Variants in EPRS1 observed in about 807,000 individuals in gnomAD.
EPRS1 encodes glutamyl-prolyl-tRNA synthetase 1, also known as bifunctional glutamate/proline--tRNA ligase.
Under a neutral mutation model 188.3 loss-of-function variants are expected in EPRS1, and 107 were observed. That is an observed-to-expected ratio of 0.57 (90% confidence interval 0.49 to 0.67). The LOEUF is 0.67. Among genes scored for constraint, EPRS1 ranks in the 30% least tolerant of loss-of-function variants. EPRS1 has a pLI of 0.00. For synonymous variants in EPRS1, 596 were observed against 593.1 expected, an observed-to-expected ratio of 1.00 and a Z score of -0.07; for missense variants, 1,577 against 1,802.2, an observed-to-expected ratio of 0.88 and a Z score of 2.26.
intron 17 of EPRS1, among the ~76,000 whole-genome samples, chr1:219,999,700 G>T (rs1661306340): frequency 6.6e-6 from 1 of 152,194 alleles, no homozygotes; most frequent in Non-Finnish European, 1.5e-5. Context: ...CAGGCCAGGT[G>T]CAGTGGATCA....
intron 2 of EPRS1, among the ~76,000 whole-genome samples, chr1:220,035,905 C>G (rs1210935127): frequency 6.6e-6 from 1 of 151,892 alleles, no homozygotes; most frequent in Non-Finnish European, 1.5e-5. Flanking sequence ...AAACCTCATC[C>G]AAACCCATCA....
rs1380494697 is a variant in EPRS1, at chr1:219,968,819, C to A, written c.4526G>T (p.Gly1509Val). 1 of 1,613,998 alleles carries A rather than the reference C, an allele frequency of 6.2e-7. No individual in the cohort carries two copies. Among genetic ancestry groups the A allele is most frequent in the Non-Finnish European group, 8.5e-7 (1 of 1,180,004 alleles). The change falls in exon 32 of 32, where the codon GGT (glycine) becomes GTT (valine). Residue 1509 changes from glycine (G) to valine (V), a missense_variant. By Grantham distance (109) the Gly-to-Val change is moderately radical. Coordinates refer to ENST00000366923, the MANE Select transcript of EPRS1 (RefSeq NM_004446.3). ...KNPAKYYTLF[G>V]RSY is the part of the protein sequence containing the mutation. ...TTCGTTCATCCCTCAGTAGCTGCGA[C>A]CAAATAAGGTGTAGTACTTGGCAGG...
chr1:219,990,972 A>T (rs905832613), intron 18 of EPRS1, among the ~76,000 whole-genome samples: 20 of 152,224 alleles, frequency 1.3e-4, no homozygotes, highest in African/African-American at 4.6e-4. Flanking sequence ...GTTTTCAGCA[A>T]ATAATTGCTG....
chr1:220,002,807 C>T (rs191937411), intron 16 of EPRS1, among the ~76,000 whole-genome samples: 16 of 152,230 alleles, frequency 1.1e-4, no homozygotes, highest in African/African-American at 3.9e-4. Flanking sequence ...CCGCTGCACT[C>T]AAGTCTGGGT....
At chr1:220,015,139 CAGG>C (rs1186948401) in intron 12 of EPRS1, among the ~76,000 whole-genome samples, 2 of 152,046 alleles carry the variant, frequency 1.3e-5, no homozygotes, top group Non-Finnish European at 2.9e-5. Context: ...AGAAGAGTTC[CAGG>C]AGAAGAAATA....
intron 13 of EPRS1, 25 bp from the exon 14 acceptor site, chr1:220,007,363 G>A: frequency 1.9e-6 from 3 of 1,597,256 alleles, no homozygotes; most frequent in South Asian, 1.1e-5. Context: ...AAAGCAGAGT[G>A]TCTGTTGAAA....
intron 19 of EPRS1, among the ~76,000 whole-genome samples, chr1:219,987,678 G>A (rs768102034): frequency 1.4e-5 from 2 of 142,994 alleles, no homozygotes; most frequent in Non-Finnish European, 3.1e-5. Flanking sequence ...GGACAGAGGG[G>A]TTTGGGGTAG....
rs1229452623 is a variant in EPRS1 at position 220,026,752 on chromosome 1, G to A, written c.624-1494C>T. ...TCACTGTGTTAGCCAGGATGGTCTC[G>A]ATCTCCTGACCTTGTGACCCGCCTG... On this transcript the variant is annotated intron_variant, in intron 6 of 31. Coordinates refer to ENST00000366923, the MANE Select transcript of EPRS1 (RefSeq NM_004446.3). Among the ~76,000 whole-genome samples, 6 of 151,718 alleles carry A rather than the reference G, an allele frequency of 4.0e-5. No individual in the cohort carries two copies. The South Asian group carries it at 1.0e-3, about 26-fold the overall frequency.
At position 219,999,386 on chromosome 1, in the gene EPRS1, G is replaced by T. The variant is rs185569197; in HGVS notation, c.2181+1752C>A. Among the ~76,000 whole-genome samples, 994 of 152,174 alleles carry T rather than the reference G, an allele frequency of 6.5e-3. 7 individuals are homozygous for T. The highest frequency in any genetic ancestry group is 0.019 in the South Asian group (92 of 4,802). On this transcript the variant is annotated intron_variant, in intron 17 of 31. Transcript: ENST00000366923. ...TGACTTTCCTCCCACCAAGAAGGGGGATCTCTGTGCCCTTTCCTGAATCTG... is the reference window on the plus strand; with the variant it reads ...TGACTTTCCTCCCACCAAGAAGGGGTATCTCTGTGCCCTTTCCTGAATCTG...
intron 30 of EPRS1, among the ~76,000 whole-genome samples, chr1:219,971,751 T>C (rs1660668175): frequency 7.2e-6 from 1 of 139,584 alleles, no homozygotes; most frequent in Non-Finnish European, 1.6e-5. Flanking sequence ...TATAATGTTG[T>C]AATGCTTTAG....
chr1:220,005,971 A>T, intron 15 of EPRS1, 135 bp downstream of exon 15: 1 of 513,750 alleles, frequency 1.9e-6, no homozygotes, highest in African/African-American at 1.9e-5. Context: ...TGCTCGGCCA[A>T]CTTACATCAT....
chr1:220,008,670 T>C (rs1661543725), intron 13 of EPRS1, among the ~76,000 whole-genome samples: 1 of 152,204 alleles, frequency 6.6e-6, no homozygotes, highest in African/African-American at 2.4e-5. Flanking sequence ...TTTTTAACAA[T>C]GAGCAGTACT....
chr1:219,975,028 T>C (rs947879993), intron 28 of EPRS1, among the ~76,000 whole-genome samples: 5 of 152,158 alleles, frequency 3.3e-5, no homozygotes, highest in African/African-American at 1.2e-4. Flanking sequence ...AACTGACCTA[T>C]AGTTACAAAA....
At chr1:220,034,753 CA>C (rs887917235) in intron 3 of EPRS1, among the ~76,000 whole-genome samples, 160 bp downstream of exon 3, 1 of 151,844 alleles carries the variant, frequency 6.6e-6, no homozygotes, top group Non-Finnish European at 1.5e-5. Flanking sequence ...TTTTTTGTGA[CA>C]AAAAAACAAG....
chr1:219,990,173 A>G (rs902005609), intron 18 of EPRS1, among the ~76,000 whole-genome samples: 2 of 151,840 alleles, frequency 1.3e-5, no homozygotes, highest in Non-Finnish European at 2.9e-5. Context: ...GAAACGTTAT[A>G]AAGGAGAAAA....
intron 12 of EPRS1, among the ~76,000 whole-genome samples, chr1:220,016,577 ATTTTTTT>A (rs57664248): frequency 2.9e-5 from 2 of 69,606 alleles, no homozygotes; most frequent in African/African-American, 5.6e-5. Flanking sequence ...GGCCTAGCTA[ATTTTTTT>A]TTTTTTTTTT....
intron 12 of EPRS1, among the ~76,000 whole-genome samples, chr1:220,013,450 T>C (rs1261017128): frequency 6.6e-6 from 1 of 152,052 alleles, no homozygotes; most frequent in African/African-American, 2.4e-5. Flanking sequence ...ACTCCTAAAA[T>C]AAGGCTCTTT....
Position 220,046,203 on chromosome 1 carries a change from T to C in EPRS1, c.46+140A>G, listed in dbSNP as rs1395961184. The C allele has an allele frequency of 3.0e-6, 3 of 989,762 alleles. No individual in the cohort carries two copies. In the Admixed American group the frequency reaches 6.7e-5, roughly 22 times the overall value. 61.3% of individuals were successfully genotyped at this position (989,762 alleles called of 1,614,324 possible). On this transcript the variant is annotated intron_variant, in intron 1 of 31. Coordinates refer to ENST00000366923, the MANE Select transcript of EPRS1 (RefSeq NM_004446.3). ...CGAGGGGTGCGGAGCCTCCTCCACG[T>C]ACAATTCTGGGGCGAGGGGCAGGTC... is the stretch of plus-strand genomic sequence containing the variant.
At chr1:219,988,847 T>A (rs769197990) in intron 18 of EPRS1, 24 bp from the exon 19 acceptor site, 3 of 1,487,672 alleles carry the variant, frequency 2.0e-6, no homozygotes, top group Non-Finnish European at 2.7e-6. Flanking sequence ...GAGAAAGAGA[T>A]ATTTATAAAA....
Sources: allele counts gnomAD v4.1 joint callset (sites outside exome capture counted in the v4.1 genomes callset), GRCh38; gene constraint gnomAD v4.1.1; transcripts MANE v1.5; gene names NCBI Gene and HGNC (gene_info 2026-07-23, HGNC 2026-07-21).